ANKRD62: variants seen among roughly 807,000 people sequenced by gnomAD.
ANKRD62 encodes the protein ankyrin repeat domain-containing protein 62.
Under a neutral mutation model 98.8 loss-of-function variants are expected in ANKRD62, and 61 were observed. The observed-to-expected ratio is 0.62, with a 90% CI of 0.50 to 0.76. The LOEUF (loss-of-function observed/expected upper bound fraction) is 0.76. ANKRD62 is among the 30% of genes least tolerant of loss of function. ANKRD62 has a pLI of 0.00. For synonymous variants in ANKRD62, 341 were observed against 367.9 expected (o/e 0.93, Z 0.84); for missense variants, 933 against 1,082.9 (o/e 0.86, Z 1.94).
intron 8 of ANKRD62, among the ~76,000 whole-genome samples, chr18:12,114,266 T>C (rs12955316): frequency 0.61 from 93,295 of 152,002 alleles, 29,073 homozygotes; most frequent in Middle Eastern, 0.76. Context: ...TATAACAAAC[T>C]TGCAGTTGTA....
chr18:12,112,468 G>GC (rs1909564565), intron 8 of ANKRD62, among the ~76,000 whole-genome samples: 1 of 152,038 alleles, frequency 6.6e-6, no homozygotes, highest in African/African-American at 2.4e-5. Flanking sequence ...AACAAGGACA[G>GC]GACCGTATTT....
At chr18:12,162,942 G>A in the ANKRD62 span, among the ~76,000 whole-genome samples, 1 of 152,044 alleles carries the variant, frequency 6.6e-6, no homozygotes, top group African/African-American at 2.4e-5. Context: ...TTGAGGTCAG[G>A]AAATGTGATT....
the ANKRD62 span, among the ~76,000 whole-genome samples, chr18:12,154,077 TCA>T: frequency 3.9e-5 from 6 of 152,074 alleles, no homozygotes; most frequent in African/African-American, 1.4e-4. Flanking sequence ...CAAAAAGCAA[TCA>T]CAGTCAAATC....
At chr18:12,174,368 A>G in the ANKRD62 span, among the ~76,000 whole-genome samples, 1 of 152,132 alleles carries the variant, frequency 6.6e-6, no homozygotes, top group Non-Finnish European at 1.5e-5. Context: ...ATTCTTTTCT[A>G]TACTGACTAT....
At chr18:12,112,624 T>C (rs1909568406) in intron 8 of ANKRD62, among the ~76,000 whole-genome samples, 2 of 152,176 alleles carry the variant, frequency 1.3e-5, no homozygotes, top group African/African-American at 4.8e-5. Context: ...GAAGACAATC[T>C]AGGCAATACC....
the ANKRD62 span, among the ~76,000 whole-genome samples, chr18:12,177,213 G>T: frequency 6.6e-6 from 1 of 151,854 alleles, no homozygotes; most frequent in African/African-American, 2.4e-5. Flanking sequence ...CAGTGACAGA[G>T]ATGTGGAAAA....
chr18:12,134,507 A>G (rs188914771), downstream of ANKRD62, among the ~76,000 whole-genome samples: 9 of 152,184 alleles, frequency 5.9e-5, no homozygotes, highest in Non-Finnish European at 1.3e-4. Context: ...TATATCTCCT[A>G]ATGCTATCCC....
At chr18:12,152,233 C>G in the ANKRD62 span, among the ~76,000 whole-genome samples, 4 of 146,372 alleles carry the variant, frequency 2.7e-5, no homozygotes, top group Non-Finnish European at 6.0e-5. Flanking sequence ...CAAACACATT[C>G]TATGAGGCCA....
intron 6 of ANKRD62, chr18:12,102,467 G>T: frequency 2.3e-6 from 1 of 428,838 alleles, no homozygotes; most frequent in South Asian, 2.2e-5. Flanking sequence ...CCAGAGAACC[G>T]CCATCTCATT....
chr18:12,137,394 A>G, the ANKRD62 span, among the ~76,000 whole-genome samples: 1 of 152,234 alleles, frequency 6.6e-6, no homozygotes, highest in Non-Finnish European at 1.5e-5. Context: ...CCCAGGGATG[A>G]AGCCCACTTG....
chr18:12,107,583 G>A lies in ANKRD62; in HGVS notation c.1064+116G>A. On this transcript the variant is annotated intron_variant, in intron 8 of 13. Transcript: ENST00000587848. ...TTTATACTTTTATGAGGAATATTCT[G>A]CCTTGCCTGGTAATCATAAAATGCA... 6.4e-6 allele frequency: 5 copies of A among 779,330 alleles called. 1 individual carries two copies. The highest frequency in any genetic ancestry group is 8.5e-5 in the South Asian group (2 of 23,626). 48.3% of individuals were successfully genotyped at this position (779,330 alleles called of 1,614,324 possible).
the ANKRD62 span, among the ~76,000 whole-genome samples, chr18:12,136,519 C>T: frequency 3.9e-5 from 6 of 152,012 alleles, no homozygotes; most frequent in African/African-American, 1.4e-4. Context: ...ATTGACTTGG[C>T]GATGCGGGCT....
chr18:12,127,042 C>T (rs1034516296), intron 13 of ANKRD62, among the ~76,000 whole-genome samples: 2 of 152,120 alleles, frequency 1.3e-5, no homozygotes, highest in African/African-American at 4.8e-5. Context: ...TTAATCTTCC[C>T]ACTGGCATTT....
chr18:12,112,155 C>T (rs1166410596), intron 8 of ANKRD62, among the ~76,000 whole-genome samples: 2 of 150,354 alleles, frequency 1.3e-5, no homozygotes, highest in Non-Finnish European at 3.0e-5. Flanking sequence ...CAAAGCATTT[C>T]GTAGACTCAA....
chr18:12,140,821 C>G, the ANKRD62 span, among the ~76,000 whole-genome samples: 642 of 152,330 alleles, frequency 4.2e-3, 9 homozygotes, highest in African/African-American at 0.015. Context: ...GGCAGTCTGC[C>G]CGTTCTCAGA....
rs1416916928 is a variant in ANKRD62, at chr18:12,115,551, A to C, written c.1240+17A>C. 7.2e-6 allele frequency: 11 copies of C among 1,528,194 alleles called. No individual in the cohort carries two copies. The East Asian group carries it at 2.7e-4, about 37-fold the overall frequency. The allele number at this position is 1,528,194 out of a possible 1,614,324, so 94.7% of individuals were successfully genotyped here. The stretch of plus-strand genomic sequence containing the variant: ...AGTGTAAAGGTAGGACCAATGCATA[A>C]ATATAAGGCTCTTTCCCTATCCTAT... On this transcript the variant is annotated intron_variant, in intron 10 of 13. Coordinates refer to ENST00000587848, the MANE Select transcript of ANKRD62 (RefSeq NM_001277333.2).
chr18:12,175,585 G>T, the ANKRD62 span, among the ~76,000 whole-genome samples: 1 of 152,008 alleles, frequency 6.6e-6, no homozygotes, highest in African/African-American at 2.4e-5. Context: ...CTGTGCTGGA[G>T]CCCTCTTCTA....
intron 7 of ANKRD62, among the ~76,000 whole-genome samples, chr18:12,105,241 C>T (rs1044516363): frequency 1.6e-4 from 24 of 152,172 alleles, no homozygotes; most frequent in African/African-American, 5.1e-4. Context: ...AAACTTGTTC[C>T]ACAAACCATT....
At chr18:12,157,041 T>G in the ANKRD62 span, among the ~76,000 whole-genome samples, 1 of 152,290 alleles carries the variant, frequency 6.6e-6, no homozygotes, top group East Asian at 1.9e-4. Context: ...CGCAAAGTGC[T>G]GAGATTAAAG....
Sources: allele counts gnomAD v4.1 joint callset (sites outside exome capture counted in the v4.1 genomes callset), GRCh38; gene constraint gnomAD v4.1.1; transcripts MANE v1.5; gene names NCBI Gene and HGNC (gene_info 2026-07-23, HGNC 2026-07-21).